TTC39B: variants seen among roughly 807,000 people sequenced by gnomAD.
The protein encoded by TTC39B is tetratricopeptide repeat domain 39B, also known as tetratricopeptide repeat protein 39B.
TTC39B carries 92 observed loss-of-function variants against 96.6 expected under a neutral mutation model. That is an observed-to-expected ratio of 0.95 (90% confidence interval 0.80 to 1.13). The LOEUF (loss-of-function observed/expected upper bound fraction) is 1.13. Among genes scored for constraint, TTC39B ranks in the 50% most tolerant of loss-of-function variants. The pLI is 0.00. For synonymous variants in TTC39B, 367 were observed against 299.4 expected (o/e 1.23, Z -2.33); for missense variants, 955 against 809.3 (o/e 1.18, Z -2.18).
chr9:15,294,861 C>A (rs1043633550), intron 1 of TTC39B, among the ~76,000 whole-genome samples: 3 of 152,222 alleles, frequency 2.0e-5, no homozygotes, highest in Admixed American at 2.0e-4. Context: ...ACGATAAGCG[C>A]TGCATAGGCC....
intron 2 of TTC39B, among the ~76,000 whole-genome samples, chr9:15,247,965 A>T (rs1388767604): frequency 6.6e-6 from 1 of 152,154 alleles, no homozygotes; most frequent in Non-Finnish European, 1.5e-5. Context: ...TACAATCAGG[A>T]TTCTGAGTGA....
chr9:15,258,524 C>A (rs1198284668), intron 2 of TTC39B, among the ~76,000 whole-genome samples: 1 of 152,138 alleles, frequency 6.6e-6, no homozygotes, highest in South Asian at 2.1e-4. Flanking sequence ...ATTACAACTA[C>A]CAAAATAGCC....
At chr9:15,269,979 G>A (rs1823281276) in intron 1 of TTC39B, among the ~76,000 whole-genome samples, 1 of 152,088 alleles carries the variant, frequency 6.6e-6, no homozygotes, top group Non-Finnish European at 1.5e-5. Context: ...GACCAGCCTG[G>A]CCAACATGGT....
At chr9:15,243,828 C>G (rs1822155222) in intron 2 of TTC39B, among the ~76,000 whole-genome samples, 1 of 152,122 alleles carries the variant, frequency 6.6e-6, no homozygotes, top group Non-Finnish European at 1.5e-5. Context: ...CAGCCTAAGC[C>G]CAGGAGTTCA....
intron 1 of TTC39B, among the ~76,000 whole-genome samples, chr9:15,271,708 C>T (rs1039403817): frequency 2.0e-5 from 3 of 152,172 alleles, no homozygotes; most frequent in Non-Finnish European, 4.4e-5. Flanking sequence ...TTGGGGACCC[C>T]TGCTTTAAGG....
chr9:15,255,951 T>G (rs575098391), intron 2 of TTC39B, among the ~76,000 whole-genome samples: 12 of 152,318 alleles, frequency 7.9e-5, no homozygotes, highest in African/African-American at 2.9e-4. Context: ...TTTCTTTAAT[T>G]TACTGCAAAT....
At chr9:15,296,981 T>C (rs1277040616) in intron 1 of TTC39B, among the ~76,000 whole-genome samples, 1 of 152,060 alleles carries the variant, frequency 6.6e-6, no homozygotes, top group Non-Finnish European at 1.5e-5. Flanking sequence ...AGCAAGACCC[T>C]GTCTCTTTAA....
At chr9:15,177,868 TC>T (rs1818031224) in intron 17 of TTC39B, 54 bp from the exon 18 acceptor site, 114 of 817,874 alleles carry the variant, frequency 1.4e-4, no homozygotes, top group Middle Eastern at 2.6e-4. Flanking sequence ...CTTTTTAAGA[TC>T]TTTTTTTTTT....
At chr9:15,189,579 C>T (rs1818735394) in exon 13 of TTC39B, 1 of 1,614,008 alleles carries the variant, frequency 6.2e-7, no homozygotes, top group African/African-American at 1.3e-5. Flanking sequence ...ATTACCTCTT[C>T]AAGATTCCCT....
intron 1 of TTC39B, among the ~76,000 whole-genome samples, chr9:15,304,895 T>A (rs1824708959): frequency 6.6e-6 from 1 of 152,060 alleles, no homozygotes; most frequent in Non-Finnish European, 1.5e-5. Context: ...ACATAAGTGA[T>A]GAACAAAGAG....
intron 1 of TTC39B, among the ~76,000 whole-genome samples, chr9:15,295,603 C>G (rs913854414): frequency 6.6e-6 from 1 of 152,158 alleles, no homozygotes; most frequent in Non-Finnish European, 1.5e-5. Flanking sequence ...TTCATTAAAT[C>G]CATAGATAAT....
intron 2 of TTC39B, 91 bp downstream of exon 2, chr9:15,267,823 C>G: frequency 1.6e-6 from 2 of 1,217,356 alleles, no homozygotes; most frequent in Non-Finnish European, 2.4e-6. Flanking sequence ...TTGCCGTACT[C>G]TCCAAAAAAT....
At chr9:15,301,966 A>G (rs1824606163) in intron 1 of TTC39B, among the ~76,000 whole-genome samples, 2 of 152,230 alleles carry the variant, frequency 1.3e-5, no homozygotes, top group South Asian at 4.1e-4. Flanking sequence ...AAAGGAGCCT[A>G]AGTATAAAGC....
intron 2 of TTC39B, among the ~76,000 whole-genome samples, chr9:15,233,250 C>T (rs944666739): frequency 5.3e-5 from 8 of 152,160 alleles, no homozygotes; most frequent in Non-Finnish European, 1.0e-4. Context: ...CCCAATGATC[C>T]GCAGATGTGG....
chr9:15,236,786 A>G (rs1040300947), intron 2 of TTC39B, among the ~76,000 whole-genome samples: 1 of 152,216 alleles, frequency 6.6e-6, no homozygotes. Flanking sequence ...GAAAACAAAG[A>G]CACAACATAC....
chr9:15,226,986 TTTTTTG>T (rs1395566775), intron 2 of TTC39B, among the ~76,000 whole-genome samples: 2 of 152,110 alleles, frequency 1.3e-5, no homozygotes, highest in Admixed American at 6.5e-5. Flanking sequence ...TTTGTGGTTG[TTTTTTG>T]TTTTTGTTTT....
In TTC39B at chr9:15,206,763, G is replaced by T. The variant is rs140407399; in HGVS notation, c.692-2873C>A. Among the ~76,000 whole-genome samples, 1,316 of 152,054 alleles carry T rather than the reference G, an allele frequency of 8.7e-3. 13 individuals are homozygous for T. The highest frequency in any genetic ancestry group is 0.017 in the Middle Eastern group (5 of 294). Reference sequence around the variant, plus strand: ...TTATTAGTTTATTTTTTTTATTTATGTAGAGACAGGTTCTTGCTCTGTCAC... The same window carrying T: ...TTATTAGTTTATTTTTTTTATTTATTTAGAGACAGGTTCTTGCTCTGTCAC... On this transcript the variant is annotated intron_variant, in intron 6 of 19. Coordinates refer to ENST00000512701, the Ensembl canonical transcript of TTC39B.
chr9:15,199,384 T>C (rs1217335828), intron 8 of TTC39B, among the ~76,000 whole-genome samples: 19 of 152,160 alleles, frequency 1.2e-4, no homozygotes, highest in Admixed American at 1.2e-3. Context: ...TGTTGTCCTA[T>C]AACACTGAAT....
intron 1 of TTC39B, among the ~76,000 whole-genome samples, chr9:15,286,256 C>T (rs1213562177): frequency 6.6e-6 from 1 of 152,264 alleles, no homozygotes; most frequent in Non-Finnish European, 1.5e-5. Context: ...TCACATCTGG[C>T]AGTCACAACT....
Sources: allele counts gnomAD v4.1 joint callset (sites outside exome capture counted in the v4.1 genomes callset), GRCh38; gene constraint gnomAD v4.1.1; transcripts MANE v1.5; gene names NCBI Gene and HGNC (gene_info 2026-07-23, HGNC 2026-07-21).